Variants in PODXL2 observed in about 807,000 individuals in gnomAD.
PODXL2 encodes podocalyxin-like protein 2.
PODXL2 carries 17 observed loss-of-function variants against 53.4 expected under a neutral mutation model. The ratio of observed to expected loss-of-function variants is 0.32; its 90% CI spans 0.22 to 0.48. The LOEUF (loss-of-function observed/expected upper bound fraction) is 0.48, where lower values mean the gene tolerates loss of function less well. Among genes scored for constraint, PODXL2 ranks in the 20% least tolerant of loss-of-function variants. PODXL2 has a pLI of 0.99. For missense variants in PODXL2, 673 were observed against 760.0 expected (o/e 0.89, Z 1.35); for synonymous variants, 311 against 306.7 (o/e 1.01, Z -0.15).
At chr3:127,655,609 C>A (rs997527543) in intron 2 of PODXL2, among the ~76,000 whole-genome samples, 2 of 152,060 alleles carry the variant, frequency 1.3e-5, no homozygotes, top group African/African-American at 4.8e-5. Context: ...AGCAGCATGT[C>A]CAAGATCATA....
intron 2 of PODXL2, among the ~76,000 whole-genome samples, chr3:127,648,091 ACT>A (rs2074666996): frequency 6.6e-6 from 1 of 152,150 alleles, no homozygotes; most frequent in African/African-American, 2.4e-5. Context: ...TGATTAGATC[ACT>A]GTTTTACAGC....
At chr3:127,632,872 GTC>G (rs1322483051) in intron 1 of PODXL2, among the ~76,000 whole-genome samples, 4 of 152,196 alleles carry the variant, frequency 2.6e-5, no homozygotes, top group Non-Finnish European at 5.9e-5. Context: ...GTAATCGAGA[GTC>G]TAATAGAAAT....
chr3:127,642,365 C>G (rs141627855), intron 2 of PODXL2, among the ~76,000 whole-genome samples: 1 of 151,228 alleles, frequency 6.6e-6, no homozygotes, highest in Non-Finnish European at 1.5e-5. Flanking sequence ...TTAAAACAAT[C>G]TAAGGAGAGT....
In PODXL2 at chr3:127,660,919, T is replaced by C. The variant is rs1576433662; in HGVS notation, c.891T>C (p.Ser297=). ...CCACTGCAGGAGCAGCTGGTTTGTC[T>C]GGCCAGCACGAGGAGGTGCCGGCCT... is the stretch of plus-strand genomic sequence containing the variant. ...EEATAGAAGL[S]GQHEEVPALP... Residue 297 remains serine, a synonymous_variant, in exon 3 of 8, where the codon TCT becomes TCC. Coordinates refer to ENST00000342480, the MANE Select transcript of PODXL2 (RefSeq NM_015720.4). 4 of 1,614,252 alleles carry C rather than the reference T, an allele frequency of 2.5e-6. No individual in the cohort carries two copies. Among genetic ancestry groups the C allele is most frequent in the Middle Eastern group, 1.6e-4 (1 of 6,062 alleles).
chr3:127,668,101 C>T lies in PODXL2; in HGVS notation c.1207-340C>T, dbSNP rs1683656. 1.0e-4 allele frequency among the ~76,000 whole-genome samples: 15 copies of T among 145,758 alleles called. 1 individual carries two copies. The highest frequency in any genetic ancestry group is 3.3e-4 in the African/African-American group (13 of 38,982). ...CTGGGCTTGTCACTGTACATGGCTG[C>T]GTGTGTGTGTGTGTGTGTGTGTGTG... is the stretch of plus-strand genomic sequence containing the variant. On this transcript the variant is annotated intron_variant, in intron 4 of 7. Transcript: ENST00000342480.
chr3:127,636,511 A>G (rs1047421388), intron 1 of PODXL2, among the ~76,000 whole-genome samples: 1 of 152,200 alleles, frequency 6.6e-6, no homozygotes, highest in Non-Finnish European at 1.5e-5. Flanking sequence ...TCTGCCTTTT[A>G]AATACCTTTG....
At chr3:127,650,117 G>T (rs2074679395) in intron 2 of PODXL2, among the ~76,000 whole-genome samples, 1 of 152,190 alleles carries the variant, frequency 6.6e-6, no homozygotes, top group Non-Finnish European at 1.5e-5. Context: ...CATTTAAAGT[G>T]ATCTTTCAAG....
chr3:127,664,236 G>C (rs1229061409), intron 4 of PODXL2, among the ~76,000 whole-genome samples: 1 of 152,052 alleles, frequency 6.6e-6, no homozygotes, highest in African/African-American at 2.4e-5. Flanking sequence ...AATAGAAGTG[G>C]AATTAGACAA....
At chr3:127,669,995 TGCC>T (rs2074821930) in intron 6 of PODXL2, among the ~76,000 whole-genome samples, 1 of 152,242 alleles carries the variant, frequency 6.6e-6, no homozygotes, top group Non-Finnish European at 1.5e-5. Context: ...CCGAAGGTGC[TGCC>T]ATTTTTGGCA....
At position 127,671,491 on chromosome 3, in the gene PODXL2, C is replaced by T. The variant is rs969859253; in HGVS notation, c.1483C>T (p.Arg495Cys). Residue 495 changes from arginine to cysteine, a missense_variant, in exon 7 of 8, where the codon CGC (arginine) becomes TGC (cysteine). Physicochemically the swap from Arg to Cys is radical, Grantham distance 180. Around this residue, in one of 3 missense-constraint regions of PODXL2, gnomAD observed 588 missense variants for 668.3 expected, o/e 0.88. Transcript: ENST00000342480. ...CTGCCAGGCGCGGGCCAGCCAGGTG[C>T]GCAGCGACTACGGCACGCTCTTCGT... is the stretch of plus-strand genomic sequence containing the variant. ...SSCQARASQV[R>C]SDYGTLFVVL... 6.2e-6 allele frequency: 10 copies of T among 1,614,160 alleles called. No individual in the cohort carries two copies. The highest frequency in any genetic ancestry group is 8.5e-6 in the Non-Finnish European group (10 of 1,180,016).
intron 1 of PODXL2, among the ~76,000 whole-genome samples, chr3:127,633,183 A>G (rs2074557232): frequency 1.3e-5 from 2 of 152,186 alleles, no homozygotes; most frequent in African/African-American, 4.8e-5. Flanking sequence ...AGTGTTTGGA[A>G]AGGGGTATCT....
chr3:127,659,314 C>A (rs1485760485), intron 2 of PODXL2, among the ~76,000 whole-genome samples: 1 of 152,138 alleles, frequency 6.6e-6, no homozygotes, highest in Non-Finnish European at 1.5e-5. Context: ...TTATCTGTTC[C>A]TATAATCTCA....
chr3:127,662,654 A>C (rs1315411924), intron 4 of PODXL2, among the ~76,000 whole-genome samples: 2 of 152,130 alleles, frequency 1.3e-5, no homozygotes, highest in East Asian at 3.8e-4. Context: ...TTTGGGTCTC[A>C]GCCTTTTCAT....
intron 1 of PODXL2, among the ~76,000 whole-genome samples, chr3:127,630,859 A>T (rs575391371): frequency 6.6e-6 from 1 of 152,316 alleles, no homozygotes; most frequent in African/African-American, 2.4e-5. Context: ...ATAAACATCA[A>T]TTGATTGGTC....
At chr3:127,648,616 T>C (rs2074669850) in intron 2 of PODXL2, among the ~76,000 whole-genome samples, 1 of 151,714 alleles carries the variant, frequency 6.6e-6, no homozygotes, top group South Asian at 2.1e-4. Context: ...ACTATCTCTT[T>C]CTGGACTTTT....
intron 4 of PODXL2, among the ~76,000 whole-genome samples, chr3:127,665,530 A>C (rs889684650): frequency 3.3e-5 from 5 of 152,240 alleles, no homozygotes; most frequent in African/African-American, 1.2e-4. Context: ...GAGGAGGAAG[A>C]AAGATAAAAC....
At chr3:127,661,330 A>G (rs893674673) in intron 3 of PODXL2, among the ~76,000 whole-genome samples, 171 bp downstream of exon 3, 8 of 152,124 alleles carry the variant, frequency 5.3e-5, no homozygotes, top group Admixed American at 3.3e-4. Flanking sequence ...AGGGCCAACA[A>G]TGGGTGTTCT....
intron 4 of PODXL2, among the ~76,000 whole-genome samples, chr3:127,664,216 C>A (rs146515327): frequency 4.9e-4 from 74 of 152,268 alleles, no homozygotes; most frequent in Middle Eastern, 3.4e-3. Context: ...TGGGACTACT[C>A]TGGATACCTA....
chr3:127,651,007 G>T (rs575503701), intron 2 of PODXL2, among the ~76,000 whole-genome samples: 2 of 151,596 alleles, frequency 1.3e-5, no homozygotes, highest in Non-Finnish European at 2.9e-5. Flanking sequence ...GCTCACACCC[G>T]TAATCCCAAC....
Sources: allele counts gnomAD v4.1 joint callset (sites outside exome capture counted in the v4.1 genomes callset), GRCh38; gene constraint gnomAD v4.1.1; regional missense constraint gnomAD v4.1.1; transcripts MANE v1.5; gene names NCBI Gene and HGNC (gene_info 2026-07-23, HGNC 2026-07-21).